FANCI: variants seen among roughly 807,000 people sequenced by gnomAD.
FANCI encodes Fanconi anemia group I protein.
A neutral mutation model predicts 176.1 loss-of-function variants in FANCI; 156 were observed. The ratio of observed to expected loss-of-function variants is 0.89; its 90% confidence interval spans 0.78 to 1.01. The LOEUF is 1.01. FANCI is among the 50% of genes least tolerant of loss of function. FANCI has a pLI of 0.00. For missense variants in FANCI, 1,678 were observed against 1,534.1 expected (o/e 1.09, Z -1.57); for synonymous variants, 613 against 541.7 (o/e 1.13, Z -1.83).
chr15:89,279,574 T>C (rs540057730), intron 14 of FANCI, among the ~76,000 whole-genome samples: 4 of 152,362 alleles, frequency 2.6e-5, no homozygotes, highest in Non-Finnish European at 5.9e-5. Context: ...TGAAACTTTT[T>C]AGGTAAGTTC....
intron 24 of FANCI, among the ~76,000 whole-genome samples, chr15:89,298,384 A>G (rs928793914): frequency 8.5e-5 from 13 of 152,232 alleles, no homozygotes; most frequent in African/African-American, 2.9e-4. Flanking sequence ...GCATTTTTAA[A>G]TAGCCCATAG....
chr15:89,284,989 C>T, intron 17 of FANCI, 107 bp from the exon 18 acceptor site: 1 of 1,325,204 alleles, frequency 7.5e-7, no homozygotes, highest in Non-Finnish European at 1.1e-6. Context: ...TGGGGTTTGG[C>T]ATGTGGAGGA....
chr15:89,314,136 T>G (rs150341259), intron 35 of FANCI, among the ~76,000 whole-genome samples: 3 of 56,918 alleles, frequency 5.3e-5, no homozygotes, highest in Non-Finnish European at 9.7e-5. Context: ...CACAAAAACG[T>G]AGGACCACAC....
intron 1 of FANCI, among the ~76,000 whole-genome samples, chr15:89,244,997 T>C (rs2051881518): frequency 6.6e-6 from 1 of 152,202 alleles, no homozygotes; most frequent in East Asian, 1.9e-4. Flanking sequence ...CAAAACCAGC[T>C]ACGGCCCGTG....
chr15:89,285,007 T>G, intron 17 of FANCI, 89 bp from the exon 18 acceptor site: 2 of 1,582,174 alleles, frequency 1.3e-6, no homozygotes, highest in South Asian at 1.1e-5. Context: ...GGAAGCTAAG[T>G]TTTTTCGACC....
Position 89,307,677 on chromosome 15 carries a change from G to C in FANCI, c.3651+5G>C, listed in dbSNP as rs1342459217. On this transcript the variant is annotated splice_donor_5th_base_variant and intron_variant, in intron 34 of 37. Transcript: ENST00000310775. ...TCTTTCATTTCTTACGTACAGGTAA[G>C]AGATTCAGAGGCAGTACCCAATAGG... 2 of 1,614,146 alleles carry C rather than the reference G, an allele frequency of 1.2e-6. No homozygotes were observed. The highest frequency in any genetic ancestry group is 1.7e-6 in the Non-Finnish European group (2 of 1,180,016).
At chr15:89,311,152 G>A (rs151272732) in intron 34 of FANCI, among the ~76,000 whole-genome samples, 3,084 of 152,178 alleles carry the variant, frequency 0.02, 51 homozygotes, top group South Asian at 0.04. Flanking sequence ...CCAGCTACTC[G>A]GGAGGCTGAG....
chr15:89,280,751 C>T (rs1464711504), intron 14 of FANCI, among the ~76,000 whole-genome samples: 2 of 152,124 alleles, frequency 1.3e-5, no homozygotes, highest in African/African-American at 4.8e-5. Flanking sequence ...AATTTTTTTA[C>T]TTCCAACTAA....
chr15:89,295,133 G>T (rs1350513945), intron 24 of FANCI, 39 bp downstream of exon 24: 1 of 1,540,734 alleles, frequency 6.5e-7, no homozygotes, highest in Admixed American at 2.1e-5. Flanking sequence ...ATTCCACTTG[G>T]CTGTGGTGTC....
At chr15:89,286,326 T>C (rs1375550657) in intron 18 of FANCI, among the ~76,000 whole-genome samples, 1 of 152,220 alleles carries the variant, frequency 6.6e-6, no homozygotes, top group Non-Finnish European at 1.5e-5. Flanking sequence ...CTTCTTTTTC[T>C]TTTTGCACTG....
At chr15:89,287,735 C>T (rs1169341894) in intron 18 of FANCI, among the ~76,000 whole-genome samples, 1 of 152,036 alleles carries the variant, frequency 6.6e-6, no homozygotes, top group Non-Finnish European at 1.5e-5. Context: ...TATTAATTGA[C>T]CTAATTTCAA....
At chr15:89,295,971 T>G (rs979461390) in intron 24 of FANCI, among the ~76,000 whole-genome samples, 19 of 152,040 alleles carry the variant, frequency 1.2e-4, no homozygotes. Context: ...TTTATTTTAT[T>G]TACTACTTTT....
At chr15:89,254,536 C>G (rs1456899773) in intron 2 of FANCI, among the ~76,000 whole-genome samples, 2 of 152,084 alleles carry the variant, frequency 1.3e-5, no homozygotes, top group Non-Finnish European at 2.9e-5. Flanking sequence ...TAAGTCCATA[C>G]TCATAATTAA....
At chr15:89,265,209 C>A (rs2151312967) in intron 9 of FANCI, among the ~76,000 whole-genome samples, 1 of 151,922 alleles carries the variant, frequency 6.6e-6, no homozygotes, top group East Asian at 1.9e-4. Context: ...TTTTTTGTTT[C>A]ATTTTGTTTT....
intron 24 of FANCI, 77 bp from the exon 25 acceptor site, chr15:89,299,722 AG>A (rs755625094): frequency 2.5e-5 from 36 of 1,441,042 alleles, no homozygotes; most frequent in Non-Finnish European, 3.4e-5. Flanking sequence ...GTTCACCTAC[AG>A]GGTAAGAATT....
chr15:89,258,885 T>G (rs974807395), intron 3 of FANCI, 109 bp downstream of exon 3: 2 of 847,076 alleles, frequency 2.4e-6, no homozygotes. Context: ...ATTTTCCATG[T>G]TTTGAGGATT....
At chr15:89,246,033 A>G (rs559164007) in intron 1 of FANCI, among the ~76,000 whole-genome samples, 2 of 152,296 alleles carry the variant, frequency 1.3e-5, no homozygotes, top group South Asian at 4.1e-4. Context: ...GTGGTGAAGG[A>G]TGAAGGCAAA....
At chr15:89,260,309 A>C (rs11854867) in intron 3 of FANCI, among the ~76,000 whole-genome samples, 11,786 of 152,238 alleles carry the variant, frequency 0.077, 1,456 homozygotes, top group African/African-American at 0.26. Flanking sequence ...AAAGCACTCA[A>C]CTTATTAAAA....
intron 23 of FANCI, among the ~76,000 whole-genome samples, chr15:89,294,533 C>T (rs2054180765): frequency 6.6e-6 from 1 of 151,618 alleles, no homozygotes; most frequent in South Asian, 2.1e-4. Context: ...TGCAGTGAGC[C>T]GAGATCATGC....
Sources: gnomAD v4.1 joint callset for allele counts (sites outside exome capture counted in the v4.1 genomes callset) on GRCh38, gnomAD v4.1.1 for gene constraint, MANE v1.5 for transcripts, NCBI Gene and HGNC (gene_info 2026-07-23, HGNC 2026-07-21) for gene names.